LPA: variants seen among roughly 807,000 people sequenced by gnomAD.
The protein encoded by LPA is apolipoprotein(a).
A neutral mutation model predicts 197.9 loss-of-function variants in LPA; 199 were observed. The ratio of observed to expected loss-of-function variants is 1.01; its 90% CI spans 0.90 to 1.13. LPA has a LOEUF of 1.13. Among genes scored for constraint, LPA ranks in the 50% most tolerant of loss-of-function variants. The pLI is 0.00. For synonymous variants in LPA, 715 were observed against 639.5 expected (o/e 1.12, Z -1.78); for missense variants, 1,853 against 1,785.8 (o/e 1.04, Z -0.68).
chr6:160,656,810 T>C (rs1327902950), intron 1 of LPA, among the ~76,000 whole-genome samples: 1 of 152,200 alleles, frequency 6.6e-6, no homozygotes, highest in Non-Finnish European at 1.5e-5. Flanking sequence ...CCCATGATTC[T>C]CTGTTTTTAT....
chr6:160,577,054 G>T, intron 28 of LPA, 82 bp downstream of exon 28: 1 of 1,544,042 alleles, frequency 6.5e-7, no homozygotes, highest in Non-Finnish European at 8.9e-7. Context: ...TTTGTCCCTA[G>T]GAAGTGAGCT....
intron 32 of LPA, among the ~76,000 whole-genome samples, chr6:160,546,140 G>A (rs1488241056): frequency 3.3e-5 from 5 of 152,194 alleles, no homozygotes; most frequent in African/African-American, 9.6e-5. Context: ...AGCCCCAGGG[G>A]CTGGTTGCCA....
chr6:160,555,292 TTA>T (rs1282635058), intron 30 of LPA, among the ~76,000 whole-genome samples: 9 of 73,252 alleles, frequency 1.2e-4, no homozygotes, highest in South Asian at 8.0e-4. Context: ...ATATTATATG[TTA>T]GTGTGTGTGT....
At chr6:160,592,418 T>C (rs1057488169) in intron 22 of LPA, among the ~76,000 whole-genome samples, 1 of 152,230 alleles carries the variant, frequency 6.6e-6, no homozygotes, top group Non-Finnish European at 1.5e-5. Context: ...TTTCTGATAT[T>C]ATGCATTCAT....
chr6:160,540,013 G>A (rs556875209), intron 36 of LPA, 30 bp downstream of exon 36: 37 of 1,613,998 alleles, frequency 2.3e-5, no homozygotes, highest in South Asian at 4.4e-5. Flanking sequence ...CTTCACCAGC[G>A]TGGGGTGAAG....
chr6:160,583,306 C>T (rs576627682), intron 26 of LPA, among the ~76,000 whole-genome samples: 3 of 152,096 alleles, frequency 2.0e-5, no homozygotes, highest in Non-Finnish European at 4.4e-5. Context: ...TGTTGTTTAC[C>T]TCTGAAGAGG....
Position 160,664,217 on chromosome 6 carries a change from T to A in LPA, c.-3A>T, listed in dbSNP as rs750723354. 1.1e-4 allele frequency: 175 copies of A among 1,606,454 alleles called. No homozygotes were observed. Among genetic ancestry groups the A allele is most frequent in the Non-Finnish European group, 1.7e-5 (20 of 1,178,184 alleles). ...AGAACCACTTCCTTATGTTCCATTT[T>A]GGGACTGGCCAGCAGTGCCCAGAAA... On this transcript the variant is annotated 5_prime_UTR_variant, in exon 1 of 39. Coordinates refer to ENST00000316300, the MANE Select transcript of LPA (RefSeq NM_005577.4).
At chr6:160,587,751 TTGTG>T (rs67979615) in intron 24 of LPA, among the ~76,000 whole-genome samples, 9,096 of 125,270 alleles carry the variant, frequency 0.073, 329 homozygotes, top group Non-Finnish European at 0.085. Flanking sequence ...GGTTCAGTCT[TTGTG>T]TGTGTGTGTG....
rs143537325 is a variant in LPA, at chr6:160,594,524, A to C, written c.3470-407T>G. Among the ~76,000 whole-genome samples the C allele has an allele frequency of 7.4e-4, 113 of 152,336 alleles. 1 individual carries two copies. Among genetic ancestry groups the C allele is most frequent in the African/African-American group, 2.6e-3 (110 of 41,574 alleles). On this transcript the variant is annotated intron_variant, in intron 21 of 38. Coordinates refer to ENST00000316300, the MANE Select transcript of LPA (RefSeq NM_005577.4). The stretch of plus-strand genomic sequence containing the variant: ...ACATGAAACCGTCACACATTTCCCT[A>C]GACTGCTGATCCTCCAAAGCCAAAG...
intron 1 of LPA, among the ~76,000 whole-genome samples, chr6:160,663,004 A>T (rs2115115819): frequency 6.6e-6 from 1 of 152,352 alleles, no homozygotes. Flanking sequence ...CAAAGGCACC[A>T]GCAGGCAACT....
Position 160,545,540 on chromosome 6 carries a change from ACAAG to A in LPA, c.5305-11_5305-8del. 6.4e-7 allele frequency: 1 copy of A among 1,572,630 alleles called. No homozygotes were observed. The highest frequency in any genetic ancestry group is 8.8e-7 in the Non-Finnish European group (1 of 1,142,212). The stretch of plus-strand genomic sequence containing the variant: ...CATCAGGGTTACGGCAGTACTGAAA[ACAAG>A]CAGGCATGTAAGCTCCAGCTCACGT... On this transcript the variant is annotated splice_region_variant and splice_polypyrimidine_tract_variant and intron_variant, in intron 32 of 38. Coordinates refer to ENST00000316300, the MANE Select transcript of LPA (RefSeq NM_005577.4).
Position 160,599,502 on chromosome 6 carries a change from A to C in LPA, c.3285T>G (p.Asn1095Lys), listed in dbSNP as rs1562338694. ...QHSRTPENYP[N>K]AGLTRNYCRN... ...TATGGTAAAGAACAAAGACGTACGC[A>C]TTTGGGTAGTTTTCTGGGGTCCGAC... The change falls in exon 20 of 39, where the codon AAT (asparagine) becomes AAG (lysine). Residue 1095 changes from asparagine (N) to lysine (K), a missense_variant and splice_region_variant. This residue lies in a region of LPA where 1,737 missense variants were observed against 1,504.4 expected (regional missense o/e 1.15). Coordinates refer to ENST00000316300, the MANE Select transcript of LPA (RefSeq NM_005577.4). 1.2e-6 allele frequency: 2 copies of C among 1,613,720 alleles called. No homozygotes were observed. The highest frequency in any genetic ancestry group is 3.3e-5 in the Admixed American group (2 of 60,018).
chr6:160,558,780 G>T (rs1184105640), intron 28 of LPA, among the ~76,000 whole-genome samples: 2 of 152,190 alleles, frequency 1.3e-5, no homozygotes, highest in African/African-American at 4.8e-5. Flanking sequence ...GGATCTTAGA[G>T]AATGCACTCC....
intron 19 of LPA, among the ~76,000 whole-genome samples, chr6:160,600,133 G>A (rs1779210641): frequency 6.6e-6 from 1 of 152,156 alleles, no homozygotes; most frequent in Admixed American, 6.5e-5. Flanking sequence ...TTAAACTCCT[G>A]GTGATGGGGC....
rs777953631 is a variant in LPA at position 160,635,218 on chromosome 6, T to A, written c.980A>T (p.Tyr327Phe). Residue 327 changes from tyrosine (Y) to phenylalanine (F), a missense_variant, in exon 7 of 39, where the codon TAC becomes TTC. Physicochemically the swap from Tyr to Phe is conservative, Grantham distance 22. Coordinates refer to ENST00000316300, the MANE Select transcript of LPA (RefSeq NM_005577.4). Reference protein sequence around the residue: ...YTRDPGVRWEYCNLTQCSDAE... With the variant: ...YTRDPGVRWEFCNLTQCSDAE... ...GTCTGAGCATTGCGTCAGGTTGCAG[T>A]ACTCCCACCTGACACCGGGATCCCT... 7.5e-7 allele frequency: 1 copy of A among 1,331,802 alleles called. No homozygotes were observed. The allele number at this position is 1,331,802 out of a possible 1,614,324, so 82.5% of individuals were successfully genotyped here. A position where few individuals can be genotyped will look rare whatever the true frequency, so the allele number is the denominator to read the frequency against.
At chr6:160,535,379 G>A (rs1197422541) in intron 37 of LPA, among the ~76,000 whole-genome samples, 1 of 146,944 alleles carries the variant, frequency 6.8e-6, no homozygotes, top group African/African-American at 2.5e-5. Context: ...TGATGGTGGT[G>A]GTGATGGTGA....
intron 22 of LPA, among the ~76,000 whole-genome samples, chr6:160,592,362 C>T (rs920953201): frequency 6.6e-6 from 1 of 152,102 alleles, no homozygotes; most frequent in African/African-American, 2.4e-5. Context: ...ACAGATATAA[C>T]TTTTCTCAGT....
chr6:160,635,506 A>G (rs1779799111), intron 6 of LPA, among the ~76,000 whole-genome samples: 2 of 113,328 alleles, frequency 1.8e-5, no homozygotes, highest in Non-Finnish European at 3.7e-5. Flanking sequence ...ATAGATTATT[A>G]CTATTTTTTT....
intron 24 of LPA, 49 bp from the exon 25 acceptor site, chr6:160,586,679 GCAC>G (rs1215165423): frequency 6.2e-7 from 1 of 1,610,896 alleles, no homozygotes; most frequent in African/African-American, 1.3e-5. Flanking sequence ...AGAAGATACA[GCAC>G]CACCTGGCAC....
Sources: allele counts gnomAD v4.1 joint callset (sites outside exome capture counted in the v4.1 genomes callset), GRCh38; gene constraint gnomAD v4.1.1; regional missense constraint gnomAD v4.1.1; transcripts MANE v1.5; gene names NCBI Gene and HGNC (gene_info 2026-07-23, HGNC 2026-07-21).